OR13H1: variants seen among roughly 807,000 people sequenced by gnomAD.
OR13H1 encodes olfactory receptor family 13 subfamily H member 1.
Under a neutral mutation model 8.5 loss-of-function variants are expected in OR13H1, and 9 were observed. The observed-to-expected ratio is 1.06, with a 90% CI of 0.64 to 1.85. The LOEUF (loss-of-function observed/expected upper bound fraction) is 1.85. Ranked by LOEUF, OR13H1 falls within the 40% of genes most tolerant of loss-of-function variation. The probability of loss-of-function intolerance (pLI) is 0.00; values close to 1 mark genes in which losing one functional copy is unlikely to be tolerated. For missense variants in OR13H1, 229 were observed against 231.8 expected (o/e 0.99, Z 0.08); for synonymous variants, 89 against 90.6 (o/e 0.98, Z 0.10).
chrX:131,544,173 A>C lies in OR13H1; in HGVS notation c.100A>C (p.Ile34Leu). ...RDTFFTLVLI[I>L]YLSTLLGNGF... is the part of the protein sequence containing the mutation. ...CACGTTTTTCACATTAGTGCTGATA[A>C]TTTACCTCAGCACATTGTTGGGGAA... The change falls in exon 1 of 1, where the codon ATT (isoleucine) becomes CTT (leucine). Residue 34 changes from isoleucine (I) to leucine (L), a missense_variant. By Grantham distance (5) the Ile-to-Leu change is conservative. Coordinates refer to ENST00000338616, the MANE Select transcript of OR13H1 (RefSeq NM_001004486.1). The C allele has an allele frequency of 1.7e-6, 2 of 1,200,851 alleles. No individual in the cohort carries two copies. Among genetic ancestry groups the C allele is most frequent in the Non-Finnish European group, 2.3e-6 (2 of 885,498 alleles).
At position 131,544,850 on chromosome X, in the gene OR13H1, G is replaced by T. The variant is rs1476903422; in HGVS notation, c.777G>T (p.Met259Ile). The part of the protein sequence containing the change: ...IFYGSAISMY[M>I]KTQSKSYPDQ... ...ATGGGTCAGCCATCTCCATGTATAT[G>T]AAAACTCAGTCCAAGTCCTACCCTG... Residue 259 changes from methionine to isoleucine, a missense_variant, in exon 1 of 1, where the codon ATG becomes ATT. Met to Ile is a conservative substitution (Grantham distance 10). Transcript: ENST00000338616. 3 of 1,210,968 alleles carry T rather than the reference G, an allele frequency of 2.5e-6. No individual in the cohort carries two copies. The South Asian group carries it at 5.3e-5, about 21-fold the overall frequency.
Position 131,544,476 on chromosome X carries a change from G to C in OR13H1, c.403G>C (p.Val135Leu), listed in dbSNP as rs776691014. ...CAGCAATCCCCTGCGTTATTCAGTG[G>C]TTATGAATGGCCCAGTATGTGTCTG... ...AISNPLRYSV[V>L]MNGPVCVCLV... Residue 135 changes from valine (V) to leucine (L), a missense_variant, in exon 1 of 1, where the codon GTT becomes CTT. By Grantham distance (32) the Val-to-Leu change is conservative. Transcript: ENST00000338616. 3 of 1,211,301 alleles carry C rather than the reference G, an allele frequency of 2.5e-6. No individual in the cohort carries two copies. The Admixed American group carries it at 6.5e-5, about 26-fold the overall frequency.
chrX:131,544,354 A>T lies in OR13H1; in HGVS notation c.281A>T (p.Tyr94Phe). The change falls in exon 1 of 1, where the codon TAT becomes TTT. Residue 94 changes from tyrosine to phenylalanine, a missense_variant. By Grantham distance (22) the Tyr-to-Phe change is conservative. Coordinates refer to ENST00000338616, the MANE Select transcript of OR13H1 (RefSeq NM_001004486.1). ...HCFSTHPYLS[Y>F]PRCLAQTSVS... ...TTCTCTACCCATCCCTACCTCTCTT[A>T]TCCCCGATGTTTGGCTCAAACGAGT... is the stretch of plus-strand genomic sequence containing the variant. 1 of 1,210,976 alleles carries T rather than the reference A, an allele frequency of 8.3e-7. No homozygotes were observed. The highest frequency in any genetic ancestry group is 1.1e-6 in the Non-Finnish European group (1 of 895,240).
rs915952356 is a variant in OR13H1, at chrX:131,544,386, T to C, written c.313T>C (p.Leu105=). The change falls in exon 1 of 1, where the codon TTG becomes CTG. Residue 105 remains leucine, a synonymous_variant. Transcript: ENST00000338616. ...PRCLAQTSVS[L]ALATAECLLL... is the part of the protein sequence containing the mutation. ...ATGTTTGGCTCAAACGAGTGTCTCC[T>C]TGGCTTTGGCCACAGCAGAGTGCCT... The C allele has an allele frequency of 5.8e-6, 7 of 1,211,482 alleles. No individual in the cohort carries two copies. Among genetic ancestry groups the C allele is most frequent in the Non-Finnish European group, 7.8e-6 (7 of 895,205 alleles).
rs61748340 is a variant in OR13H1 at position 131,544,313 on chromosome X, G to A, written c.240G>A (p.Gln80=). Residue 80 remains glutamine, a synonymous_variant, in exon 1 of 1, where the codon CAG becomes CAA. Transcript: ENST00000338616. ...GTTATGGAACAGCTTCCATGCCCCA[G>A]GCTTTGGTGCATTGTTTCTCTACCC... ...DLCYGTASMP[Q]ALVHCFSTHP... 309 of 1,207,419 alleles carry A rather than the reference G, an allele frequency of 2.6e-4. 1 individual carries two copies. In the African/African-American group the frequency reaches 4.5e-3, roughly 18 times the overall value.
At position 131,544,578 on chromosome X, in the gene OR13H1, G is replaced by A; in HGVS notation, c.505G>A (p.Gly169Arg). 1 of 1,210,883 alleles carries A rather than the reference G, an allele frequency of 8.3e-7. No homozygotes were observed. Among genetic ancestry groups the A allele is most frequent in the South Asian group, 1.8e-5 (1 of 56,926 alleles). Reference protein sequence around the residue: ...LILSLRLHFCGANVINHFACE... With the variant: ...LILSLRLHFCRANVINHFACE... ...CCTATCCCTGAGGCTTCACTTCTGT[G>A]GGGCTAATGTCATCAACCATTTTGC... The change falls in exon 1 of 1, where the codon GGG (glycine) becomes AGG (arginine). Residue 169 changes from glycine to arginine, a missense_variant. By Grantham distance (125) the Gly-to-Arg change is moderately radical (BLOSUM62 -2). Transcript: ENST00000338616.
chrX:131,544,855 C>T lies in OR13H1; in HGVS notation c.782C>T (p.Thr261Ile). 1 of 1,210,814 alleles carries T rather than the reference C, an allele frequency of 8.3e-7. No homozygotes were observed. Among genetic ancestry groups the T allele is most frequent in the Non-Finnish European group, 1.1e-6 (1 of 894,726 alleles). ...YGSAISMYMKTQSKSYPDQDK... is the reference protein window; with the variant it reads ...YGSAISMYMKIQSKSYPDQDK... ...TCAGCCATCTCCATGTATATGAAAA[C>T]TCAGTCCAAGTCCTACCCTGACCAG... Residue 261 changes from threonine to isoleucine, a missense_variant, in exon 1 of 1, where the codon ACT becomes ATT. Transcript: ENST00000338616.
At position 131,544,714 on chromosome X, in the gene OR13H1, T is replaced by C. The variant is rs1196515780; in HGVS notation, c.641T>C (p.Leu214Pro). The C allele has an allele frequency of 8.3e-7, 1 of 1,209,396 alleles. No individual in the cohort carries two copies. Among genetic ancestry groups the C allele is most frequent in the Non-Finnish European group, 1.1e-6 (1 of 894,853 alleles). Residue 214 changes from leucine to proline, a missense_variant, in exon 1 of 1, where the codon CTC becomes CCC. Leu to Pro is a moderately conservative substitution (Grantham distance 98). Coordinates refer to ENST00000338616, the MANE Select transcript of OR13H1 (RefSeq NM_001004486.1). ...FTLLLPFGFV[L>P]LSYIRIAMAI... ...CTGCTGCTACCATTTGGGTTTGTTC[T>C]CCTCTCCTACATACGAATTGCTATG...
rs748955975 is a variant in OR13H1 at position 131,544,108 on chromosome X, T to C, written c.35T>C (p.Phe12Ser). Residue 12 changes from phenylalanine to serine, a missense_variant, in exon 1 of 1, where the codon TTT (phenylalanine) becomes TCT (serine). Transcript: ENST00000338616. The stretch of plus-strand genomic sequence containing the variant: ...GACAATGTCACAGCAGTGTTTCAGT[T>C]TCTCCTTATTGGCATTTCTAACTAT... Reference protein sequence around the residue: ...AMDNVTAVFQFLLIGISNYPQ... With the variant: ...AMDNVTAVFQSLLIGISNYPQ... 1 of 1,195,849 alleles carries C rather than the reference T, an allele frequency of 8.4e-7. No homozygotes were observed. The highest frequency in any genetic ancestry group is 3.0e-5 in the East Asian group (1 of 33,631).
Position 131,544,818 on chromosome X carries a change from A to G in OR13H1, c.745A>G (p.Ile249Val), listed in dbSNP as rs376896042. The change falls in exon 1 of 1, where the codon ATC becomes GTC. Residue 249 changes from isoleucine (I) to valine (V), a missense_variant. Transcript: ENST00000338616. The part of the protein sequence containing the change: ...TCGSHLTVVT[I>V]FYGSAISMYM... ...TGGCTCTCACCTGACCGTGGTGACA[A>G]TCTTCTATGGGTCAGCCATCTCCAT... 2.5e-6 allele frequency: 3 copies of G among 1,210,915 alleles called. No individual in the cohort carries two copies. The highest frequency in any genetic ancestry group is 2.3e-4 in the Middle Eastern group (1 of 4,350).
Position 131,544,572 on chromosome X carries a change from T to C in OR13H1, c.499T>C (p.Phe167Leu), listed in dbSNP as rs1381757829. The C allele has an allele frequency of 8.3e-7, 1 of 1,211,253 alleles. No individual in the cohort carries two copies. The highest frequency in any genetic ancestry group is 1.1e-6 in the Non-Finnish European group (1 of 895,079). ...AMLILSLRLHFCGANVINHFA... is the reference protein window; with the variant it reads ...AMLILSLRLHLCGANVINHFA... ...GCTCATCCTATCCCTGAGGCTTCACTTCTGTGGGGCTAATGTCATCAACCA... is the reference window on the plus strand; with the variant it reads ...GCTCATCCTATCCCTGAGGCTTCACCTCTGTGGGGCTAATGTCATCAACCA... The change falls in exon 1 of 1, where the codon TTC becomes CTC. Residue 167 changes from phenylalanine to leucine, a missense_variant. Coordinates refer to ENST00000338616, the MANE Select transcript of OR13H1 (RefSeq NM_001004486.1).
Position 131,544,112 on chromosome X carries a change from C to A in OR13H1, c.39C>A (p.Leu13=). ...MDNVTAVFQF[L]LIGISNYPQW... ...ATGTCACAGCAGTGTTTCAGTTTCT[C>A]CTTATTGGCATTTCTAACTATCCTC... Residue 13 remains leucine, a synonymous_variant, in exon 1 of 1, where the codon CTC becomes CTA. Coordinates refer to ENST00000338616, the MANE Select transcript of OR13H1 (RefSeq NM_001004486.1). 8.3e-7 allele frequency: 1 copy of A among 1,198,126 alleles called. No homozygotes were observed. Among genetic ancestry groups the A allele is most frequent in the Non-Finnish European group, 1.1e-6 (1 of 885,937 alleles).
chrX:131,544,763 C>T lies in OR13H1; in HGVS notation c.690C>T (p.Leu230=), dbSNP rs1928213578. 8.3e-7 allele frequency: 1 copy of T among 1,210,001 alleles called. No individual in the cohort carries two copies. The highest frequency in any genetic ancestry group is 1.1e-6 in the Non-Finnish European group (1 of 894,116). Residue 230 remains leucine, a synonymous_variant, in exon 1 of 1, where the codon CTC becomes CTT. Coordinates refer to ENST00000338616, the MANE Select transcript of OR13H1 (RefSeq NM_001004486.1). ...TGGCTATCATAAGGATTCGCTCACT[C>T]CAGGGCAGGCTCAAGGCCTTTACCA... ...IAMAIIRIRS[L]QGRLKAFTTC... is the part of the protein sequence containing the mutation.
chrX:131,544,359 C>G lies in OR13H1; in HGVS notation c.286C>G (p.Arg96Gly). 1 of 1,211,584 alleles carries G rather than the reference C, an allele frequency of 8.3e-7. No individual in the cohort carries two copies. Among genetic ancestry groups the G allele is most frequent in the Non-Finnish European group, 1.1e-6 (1 of 895,377 alleles). ...FSTHPYLSYP[R>G]CLAQTSVSLA... ...TACCCATCCCTACCTCTCTTATCCCCGATGTTTGGCTCAAACGAGTGTCTC... is the reference window on the plus strand; with the variant it reads ...TACCCATCCCTACCTCTCTTATCCCGGATGTTTGGCTCAAACGAGTGTCTC... Residue 96 changes from arginine (R) to glycine (G), a missense_variant, in exon 1 of 1, where the codon CGA (arginine) becomes GGA (glycine). Arg to Gly is a moderately radical substitution (Grantham distance 125). Coordinates refer to ENST00000338616, the MANE Select transcript of OR13H1 (RefSeq NM_001004486.1).
At position 131,544,769 on chromosome X, in the gene OR13H1, C is replaced by A; in HGVS notation, c.696C>A (p.Gly232=). 1 of 1,209,620 alleles carries A rather than the reference C, an allele frequency of 8.3e-7. No homozygotes were observed. Among genetic ancestry groups the A allele is most frequent in the South Asian group, 1.8e-5 (1 of 56,826 alleles). ...MAIIRIRSLQ[G]RLKAFTTCGS... is the part of the protein sequence containing the mutation. ...TCATAAGGATTCGCTCACTCCAGGG[C>A]AGGCTCAAGGCCTTTACCACATGTG... The change falls in exon 1 of 1, where the codon GGC becomes GGA. Residue 232 remains glycine, a synonymous_variant. Transcript: ENST00000338616.
Position 131,544,460 on chromosome X carries a change from C to G in OR13H1, c.387C>G (p.Pro129=), listed in dbSNP as rs771795882. ...AYDRVVAISN[P]LRYSVVMNGP... The stretch of plus-strand genomic sequence containing the variant: ...ACCGTGTGGTTGCTATCAGCAATCC[C>G]CTGCGTTATTCAGTGGTTATGAATG... The change falls in exon 1 of 1, where the codon CCC becomes CCG. Residue 129 remains proline, a synonymous_variant. Coordinates refer to ENST00000338616, the MANE Select transcript of OR13H1 (RefSeq NM_001004486.1). The G allele has an allele frequency of 1.8e-5, 22 of 1,209,397 alleles. No individual in the cohort carries two copies. The highest frequency in any genetic ancestry group is 2.3e-5 in the Non-Finnish European group (21 of 895,133).
rs775456782 is a variant in OR13H1, at chrX:131,544,645, C to A, written c.572C>A (p.Thr191Asn). The stretch of plus-strand genomic sequence containing the variant: ...CTCATTAAGCTGACCTGTTCTGATA[C>A]CAGCCTCAATGAATTTATGATCCTC... ...LSLIKLTCSDTSLNEFMILIT... is the reference protein window; with the variant it reads ...LSLIKLTCSDNSLNEFMILIT... Residue 191 changes from threonine to asparagine, a missense_variant, in exon 1 of 1, where the codon ACC becomes AAC. Physicochemically the swap from Thr to Asn is moderately conservative, Grantham distance 65 (BLOSUM62 0). Transcript: ENST00000338616. The A allele has an allele frequency of 8.3e-7, 1 of 1,208,211 alleles. No individual in the cohort carries two copies.
rs767752460 is a variant in OR13H1, at chrX:131,545,000, A to G, written c.927A>G (p.Ter309TrpextTer?). The change falls in exon 1 of 1, where the codon TGA becomes TGG. Residue 309 changes from the stop codon to tryptophan (W), a stop_lost. Transcript: ENST00000338616. ...GGAAAGTTATGTTGAAAAGGACATG[A>G]GCCTTCTTTGCTTCTAAACGTCTAA... The part of the protein sequence containing the change: ...AIRKVMLKRT[*>W] 1 of 1,168,433 alleles carries G rather than the reference A, an allele frequency of 8.6e-7. No individual in the cohort carries two copies. The highest frequency in any genetic ancestry group is 2.0e-5 in the South Asian group (1 of 51,218).
Position 131,544,910 on chromosome X carries a change from T to C in OR13H1, c.837T>C (p.Ala279=), listed in dbSNP as rs1928220008. 1 of 1,210,329 alleles carries C rather than the reference T, an allele frequency of 8.3e-7. No individual in the cohort carries two copies. Among genetic ancestry groups the C allele is most frequent in the Admixed American group, 2.2e-5 (1 of 46,020 alleles). Residue 279 remains alanine (A), a synonymous_variant, in exon 1 of 1, where the codon GCT becomes GCC. Transcript: ENST00000338616. ...QDKFISVFYG[A]LTPMLNPLIY... ...AGTTTATCTCAGTGTTTTATGGAGC[T>C]TTGACACCCATGTTGAACCCCCTGA...
Sources: gnomAD v4.1 joint callset for allele counts on GRCh38, gnomAD v4.1.1 for gene constraint, MANE v1.5 for transcripts, NCBI Gene and HGNC (gene_info 2026-07-23, HGNC 2026-07-21) for gene names.